The following CNGB1 variants were observed in gnomAD, a reference collection of about 807,000 sequenced individuals.
CNGB1 encodes cyclic nucleotide gated channel subunit beta 1.
A neutral mutation model predicts 151.7 loss-of-function variants in CNGB1; 126 were observed. That is an observed-to-expected ratio of 0.83 (90% confidence interval 0.72 to 0.96). The LOEUF (loss-of-function observed/expected upper bound fraction) is 0.96, where lower values mean the gene tolerates loss of function less well. Among genes scored for constraint, CNGB1 ranks in the 40% least tolerant of loss-of-function variants. The pLI, the probability that CNGB1 is intolerant of heterozygous loss-of-function variation, is 0.00. For missense variants in CNGB1, 1,698 were observed against 1,627.0 expected, an observed-to-expected ratio of 1.04 and a Z score of -0.75; for synonymous variants, 623 against 635.1, an observed-to-expected ratio of 0.98 and a Z score of 0.29.
intron 17 of CNGB1, among the ~76,000 whole-genome samples, chr16:57,926,895 G>A (rs1287670634): frequency 2.0e-5 from 3 of 152,166 alleles, no homozygotes; most frequent in Non-Finnish European, 2.9e-5. Context: ...TAGGAGAATC[G>A]CTTAAATCAG....
Position 57,897,425 on chromosome 16 carries a change from A to G in CNGB1, c.3214T>C (p.Ser1072Pro). Residue 1072 changes from serine to proline, a missense_variant, in exon 31 of 33, where the codon TCT (serine) becomes CCT (proline). Ser to Pro is a moderately conservative substitution (Grantham distance 74). Coordinates refer to ENST00000251102, the MANE Select transcript of CNGB1 (RefSeq NM_001297.5). ...LNEILVHYPE[S>P]QKLLRKKARR... The stretch of plus-strand genomic sequence containing the variant: ...GCTTTCTTCCGGAGTAACTTCTGAG[A>G]CTCAGGATAATGCACCAAAATCTCA... 6.2e-7 allele frequency: 1 copy of G among 1,614,164 alleles called. No homozygotes were observed. Among genetic ancestry groups the G allele is most frequent in the Non-Finnish European group, 8.5e-7 (1 of 1,180,020 alleles).
intron 16 of CNGB1, among the ~76,000 whole-genome samples, chr16:57,938,677 C>T (rs888996796): frequency 3.3e-5 from 5 of 152,190 alleles, no homozygotes; most frequent in Admixed American, 6.5e-5. Flanking sequence ...CACAGAGCCT[C>T]AGTTTTCTCA....
Position 57,883,760 on chromosome 16 carries a change from T to C in CNGB1, c.*404A>G, listed in dbSNP as rs1303476968. 4 of 278,232 alleles carry C rather than the reference T, an allele frequency of 1.4e-5. No homozygotes were observed. Among genetic ancestry groups the C allele is most frequent in the Non-Finnish European group, 2.8e-5 (4 of 144,244 alleles). 17.2% of individuals were successfully genotyped at this position (278,232 alleles called of 1,614,324 possible). A position where few individuals can be genotyped will look rare whatever the true frequency, so the allele number is the denominator to read the frequency against. On this transcript the variant is annotated 3_prime_UTR_variant, in exon 33 of 33. Coordinates refer to ENST00000251102, the MANE Select transcript of CNGB1 (RefSeq NM_001297.5). Reference sequence around the variant, plus strand: ...CCTTGAAATGTGTTAGACAAATTCCTGAGGGGAAACCCCACACATTCAATA... The same window carrying C: ...CCTTGAAATGTGTTAGACAAATTCCCGAGGGGAAACCCCACACATTCAATA...
At chr16:57,916,289 G>A in intron 21 of CNGB1, 110 bp from the exon 22 acceptor site, 1 of 1,054,630 alleles carries the variant, frequency 9.5e-7, no homozygotes, top group Non-Finnish European at 1.5e-6. Flanking sequence ...GAGCATAACA[G>A]CCCAAGGACC....
chr16:57,899,154 A>G (rs1342965696), intron 29 of CNGB1, among the ~76,000 whole-genome samples: 1 of 152,150 alleles, frequency 6.6e-6, no homozygotes. Flanking sequence ...CAATGGCCTT[A>G]ATCCCAAGTT....
At chr16:57,932,400 C>CT (rs36048770) in intron 16 of CNGB1, among the ~76,000 whole-genome samples, 8,717 of 124,410 alleles carry the variant, frequency 0.07, 618 homozygotes, top group African/African-American at 0.15. Context: ...CTTAAAGATT[C>CT]TTTTTTTTTT....
rs147593839 is a variant in CNGB1 at position 57,931,869 on chromosome 16, G to A, written c.1382C>T (p.Thr461Met). 6.8e-3 allele frequency: 10,972 copies of A among 1,614,078 alleles called. 123 individuals carry two copies. Among genetic ancestry groups the A allele is most frequent in the Non-Finnish European group, 6.1e-3 (7,224 of 1,180,014 alleles). ...CACCTGCACTTCTGGGTGCTGTTTC[G>A]TGGCAGGCACTGGGGGAGAGGAAGG... ...AEAASSGVPATKQHPEVQVED... is the reference protein window; with the variant it reads ...AEAASSGVPAMKQHPEVQVED... The change falls in exon 17 of 33, where the codon ACG becomes ATG. Residue 461 changes from threonine to methionine, a missense_variant. Physicochemically the swap from Thr to Met is moderately conservative, Grantham distance 81. Coordinates refer to ENST00000251102, the MANE Select transcript of CNGB1 (RefSeq NM_001297.5).
At chr16:57,942,492 A>T (rs1961693941) in intron 14 of CNGB1, among the ~76,000 whole-genome samples, 1 of 152,214 alleles carries the variant, frequency 6.6e-6, no homozygotes, top group South Asian at 2.1e-4. Flanking sequence ...TATAAAATAA[A>T]ATAAAATGCT....
At chr16:57,955,323 A>G (rs1306841920) in intron 12 of CNGB1, 3 of 1,551,854 alleles carry the variant, frequency 1.9e-6, no homozygotes, top group South Asian at 2.4e-5. Context: ...GAGCTCTCCC[A>G]GATTCCCTTC....
chr16:57,937,501 G>C (rs1249189670), intron 16 of CNGB1: 1 of 152,348 alleles, frequency 6.6e-6, no homozygotes, highest in Admixed American at 6.5e-5. Flanking sequence ...GGAGTTCAAC[G>C]TCTAATGTGT....
intron 27 of CNGB1, among the ~76,000 whole-genome samples, chr16:57,903,478 C>T (rs539749454): frequency 1.8e-4 from 28 of 152,090 alleles, no homozygotes; most frequent in South Asian, 6.2e-4. Flanking sequence ...GGTGACAGAA[C>T]GAGACTCCAT....
chr16:57,929,161 A>T (rs1414037426), intron 17 of CNGB1, among the ~76,000 whole-genome samples: 1 of 152,226 alleles, frequency 6.6e-6, no homozygotes, highest in Non-Finnish European at 1.5e-5. Context: ...CAAACACATT[A>T]CCTAACTAAA....
intron 31 of CNGB1, among the ~76,000 whole-genome samples, chr16:57,893,089 T>G (rs139143657): frequency 6.6e-6 from 1 of 152,320 alleles, no homozygotes; most frequent in African/African-American, 2.4e-5. Context: ...GTTTCTTCCC[T>G]CTATTATGAC....
intron 31 of CNGB1, among the ~76,000 whole-genome samples, chr16:57,891,410 G>A (rs1032391634): frequency 1.3e-5 from 2 of 152,144 alleles, no homozygotes; most frequent in Admixed American, 1.3e-4. Context: ...GGGAGGCCAA[G>A]GCGGGAGATT....
chr16:57,913,149 G>A (rs1213488880), intron 23 of CNGB1, among the ~76,000 whole-genome samples, 155 bp from the exon 24 acceptor site: 8 of 152,206 alleles, frequency 5.3e-5, no homozygotes, highest in African/African-American at 1.9e-4. Context: ...GCCCCTTGAC[G>A]GGTAGGGGCC....
chr16:57,901,210 C>A (rs1960375474), intron 29 of CNGB1, 142 bp downstream of exon 29: 11 of 850,494 alleles, frequency 1.3e-5, no homozygotes, highest in Non-Finnish European at 1.8e-5. Context: ...CAGGTCACTG[C>A]AGCATGAAGC....
At chr16:57,923,453 T>C in intron 17 of CNGB1, 73 bp from the exon 18 acceptor site, 2 of 1,240,720 alleles carry the variant, frequency 1.6e-6, no homozygotes, top group Non-Finnish European at 2.3e-6. Context: ...ATGACTTTGA[T>C]CCCTAAAGAT....
intron 7 of CNGB1, among the ~76,000 whole-genome samples, chr16:57,961,479 G>A (rs1306416699): frequency 2.0e-5 from 3 of 152,178 alleles, no homozygotes; most frequent in Non-Finnish European, 2.9e-5. Context: ...ATGTTCCCAG[G>A]ACAACCGGTT....
At chr16:57,905,413 T>C (rs1960521756) in intron 25 of CNGB1, among the ~76,000 whole-genome samples, 1 of 152,222 alleles carries the variant, frequency 6.6e-6, no homozygotes, top group Non-Finnish European at 1.5e-5. Flanking sequence ...GGTCACTAGT[T>C]GGTAAGTACA....
Sources: gnomAD v4.1 joint callset for allele counts (sites outside exome capture counted in the v4.1 genomes callset) on GRCh38, gnomAD v4.1.1 for gene constraint, MANE v1.5 for transcripts, NCBI Gene and HGNC (gene_info 2026-07-23, HGNC 2026-07-21) for gene names.